ATP10D: variants seen among roughly 807,000 people sequenced by gnomAD.
The protein encoded by ATP10D is ATPase phospholipid transporting 10D (putative).
ATP10D carries 89 observed loss-of-function variants against 144.8 expected under a neutral mutation model. The ratio of observed to expected loss-of-function variants is 0.61; its 90% CI spans 0.52 to 0.73. The LOEUF (loss-of-function observed/expected upper bound fraction) is 0.73. ATP10D is among the 30% of genes least tolerant of loss of function. The pLI, the probability that ATP10D is intolerant of heterozygous loss-of-function variation, is 0.00. For synonymous variants in ATP10D, 571 were observed against 615.1 expected, an observed-to-expected ratio of 0.93 and a Z score of 1.06; for missense variants, 1,603 against 1,714.8, an observed-to-expected ratio of 0.93 and a Z score of 1.15.
At chr4:47,533,884 A>T (rs1717691979) in intron 5 of ATP10D, among the ~76,000 whole-genome samples, 1 of 152,170 alleles carries the variant, frequency 6.6e-6, no homozygotes, top group African/African-American at 2.4e-5. Flanking sequence ...ACTTTACTAT[A>T]TACTTATAGC....
chr4:47,576,230 C>A (rs945058115), intron 18 of ATP10D, among the ~76,000 whole-genome samples: 8 of 152,110 alleles, frequency 5.3e-5, no homozygotes, highest in African/African-American at 1.9e-4. Context: ...TGATTCCATT[C>A]ATGAGGTCTC....
chr4:47,571,310 TATA>T (rs1049417596), intron 16 of ATP10D, among the ~76,000 whole-genome samples: 30 of 148,454 alleles, frequency 2.0e-4, no homozygotes, highest in African/African-American at 6.9e-4. Context: ...ATACATTATA[TATA>T]ATACTTATAA....
At chr4:47,569,719 C>T (rs1192650110) in intron 16 of ATP10D, among the ~76,000 whole-genome samples, 1 of 152,084 alleles carries the variant, frequency 6.6e-6, no homozygotes, top group East Asian at 1.9e-4. Context: ...AATGAGGACA[C>T]GTAGAGCACT....
chr4:47,536,768 T>G lies in ATP10D; in HGVS notation c.1226T>G (p.Phe409Cys). 6.2e-7 allele frequency: 1 copy of G among 1,613,418 alleles called. No individual in the cohort carries two copies. The highest frequency in any genetic ancestry group is 8.5e-7 in the Non-Finnish European group (1 of 1,179,664). Residue 409 changes from phenylalanine (F) to cysteine (C), a missense_variant, in exon 9 of 23, where the codon TTC (phenylalanine) becomes TGC (cysteine). By Grantham distance (205) the Phe-to-Cys change is radical. Coordinates refer to ENST00000273859, the MANE Select transcript of ATP10D (RefSeq NM_020453.4). ...TATTTCATTCAAAGTGATGTGGATT[T>G]CTACAATGAAAAAATGGATTCTATT... is the stretch of plus-strand genomic sequence containing the variant. Reference protein sequence around the residue: ...QIYFIQSDVDFYNEKMDSIVQ... With the variant: ...QIYFIQSDVDCYNEKMDSIVQ...
intron 1 of ATP10D, among the ~76,000 whole-genome samples, chr4:47,489,265 A>T (rs1055118971): frequency 6.6e-6 from 1 of 152,210 alleles, no homozygotes. Context: ...GTGGACAACA[A>T]ATCAAAATGT....
intron 3 of ATP10D, among the ~76,000 whole-genome samples, chr4:47,520,400 C>G (rs1716882350): frequency 6.6e-6 from 1 of 152,074 alleles, no homozygotes; most frequent in Non-Finnish European, 1.5e-5. Context: ...CCTTTTTCTT[C>G]CACCTTGCCT....
chr4:47,556,051 A>G (rs4694856), intron 11 of ATP10D, among the ~76,000 whole-genome samples: 129,892 of 152,242 alleles, frequency 0.85, 55,802 homozygotes, highest in East Asian at 0.99. Context: ...ACCACACCTG[A>G]CCAAAAAAAG....
chr4:47,501,802 G>T (rs150711948), intron 1 of ATP10D, among the ~76,000 whole-genome samples: 2 of 152,090 alleles, frequency 1.3e-5, no homozygotes, highest in African/African-American at 4.8e-5. Context: ...CCTGTTATAT[G>T]TCTATAAATG....
chr4:47,569,045 C>G lies in ATP10D; in HGVS notation c.3062C>G (p.Ser1021Cys). 1 of 1,614,226 alleles carries G rather than the reference C, an allele frequency of 6.2e-7. No homozygotes were observed. The highest frequency in any genetic ancestry group is 8.5e-7 in the Non-Finnish European group (1 of 1,180,044). The change falls in exon 16 of 23, where the codon TCT (serine) becomes TGT (cysteine). Residue 1021 changes from serine to cysteine, a missense_variant. Ser to Cys is a moderately radical substitution (Grantham distance 112, BLOSUM62 -1). Transcript: ENST00000273859. ...SLQKQFLELT[S>C]WCQAVVCCRA... ...CAAAAGCAGTTCCTGGAACTGACAT[C>G]TTGGTGTCAAGCTGTGGTCTGCTGC...
In ATP10D at chr4:47,550,095, C is replaced by T. The variant is rs138422506; in HGVS notation, c.1635+3233C>T. On this transcript the variant is annotated intron_variant, in intron 10 of 22. Transcript: ENST00000273859. ...TTAAAATGAGTAGAGTGGCATCCAGCAATGAAATGAAAAACCTTGGGTAGA... is the reference window on the plus strand; with the variant it reads ...TTAAAATGAGTAGAGTGGCATCCAGTAATGAAATGAAAAACCTTGGGTAGA... Among the ~76,000 whole-genome samples the T allele has an allele frequency of 2.2e-4, 33 of 151,714 alleles. No individual in the cohort carries two copies. The East Asian group carries it at 6.4e-3, about 30-fold the overall frequency.
chr4:47,504,446 A>G (rs1416529856), intron 1 of ATP10D, among the ~76,000 whole-genome samples: 2 of 152,194 alleles, frequency 1.3e-5, no homozygotes, highest in African/African-American at 2.4e-5. Context: ...ATAAGCTTCT[A>G]TAGAGAGTGT....
At chr4:47,543,439 G>A (rs928327776) in intron 9 of ATP10D, among the ~76,000 whole-genome samples, 9 of 152,108 alleles carry the variant, frequency 5.9e-5, no homozygotes, top group Non-Finnish European at 1.0e-4. Context: ...GTTGTTGGGG[G>A]CTGTCCTGAG....
At chr4:47,540,686 G>T (rs1440261272) in intron 9 of ATP10D, among the ~76,000 whole-genome samples, 2 of 152,196 alleles carry the variant, frequency 1.3e-5, no homozygotes, top group African/African-American at 2.4e-5. Flanking sequence ...GATAAGTAAT[G>T]AACAAATGCT....
At chr4:47,503,497 C>T (rs1044426693) in intron 1 of ATP10D, among the ~76,000 whole-genome samples, 3 of 152,176 alleles carry the variant, frequency 2.0e-5, no homozygotes, top group Non-Finnish European at 4.4e-5. Context: ...AAAACTATTA[C>T]AAATATTTCT....
chr4:47,555,723 G>A (rs1394088021), intron 11 of ATP10D, among the ~76,000 whole-genome samples: 1 of 151,894 alleles, frequency 6.6e-6, no homozygotes, highest in African/African-American at 2.4e-5. Context: ...TACCGTATTG[G>A]ATTCAATATC....
Position 47,523,087 on chromosome 4 carries a change from G to C in ATP10D, c.561G>C (p.Glu187Asp), listed in dbSNP as rs376532237. 3 of 1,613,678 alleles carry C rather than the reference G, an allele frequency of 1.9e-6. No homozygotes were observed. Among genetic ancestry groups the C allele is most frequent in the Non-Finnish European group, 2.5e-6 (3 of 1,179,896 alleles). Residue 187 changes from glutamate (E) to aspartate (D), a missense_variant, in exon 4 of 23, where the codon GAG (glutamate) becomes GAC (aspartate). By Grantham distance (45) the Glu-to-Asp change is conservative. Coordinates refer to ENST00000273859, the MANE Select transcript of ATP10D (RefSeq NM_020453.4). Reference sequence around the variant, plus strand: ...ACTTTATTCGCCTCTCCTGCAACGAGGTCATCCCTGCAGACATGGTACTAC... The same window carrying C: ...ACTTTATTCGCCTCTCCTGCAACGACGTCATCCCTGCAGACATGGTACTAC... ...VGDFIRLSCN[E>D]VIPADMVLLF...
chr4:47,500,434 T>A (rs184641372), intron 1 of ATP10D, among the ~76,000 whole-genome samples: 1 of 152,328 alleles, frequency 6.6e-6, no homozygotes, highest in Admixed American at 6.5e-5. Flanking sequence ...AGGACTAGAC[T>A]GATAATGGTG....
Position 47,548,805 on chromosome 4 carries a change from A to C in ATP10D, c.1635+1943A>C, listed in dbSNP as rs112498457. Among the ~76,000 whole-genome samples the C allele has an allele frequency of 1.1e-3, 165 of 152,342 alleles. 3 individuals are homozygous for C. The highest frequency in any genetic ancestry group is 3.9e-3 in the African/African-American group (162 of 41,572). ...ATTATTTCTCAATCTTGGTCTAAACAAGTTGATTTTATCTTTTTGAAGACT... is the reference window on the plus strand; with the variant it reads ...ATTATTTCTCAATCTTGGTCTAAACCAGTTGATTTTATCTTTTTGAAGACT... On this transcript the variant is annotated intron_variant, in intron 10 of 22. Coordinates refer to ENST00000273859, the MANE Select transcript of ATP10D (RefSeq NM_020453.4).
At chr4:47,575,737 G>A (rs964424351) in intron 18 of ATP10D, among the ~76,000 whole-genome samples, 1 of 152,084 alleles carries the variant, frequency 6.6e-6, no homozygotes, top group Non-Finnish European at 1.5e-5. Context: ...TGTTCAGGCT[G>A]CTGTAACAAA....
Sources: gnomAD v4.1 joint callset for allele counts (sites outside exome capture counted in the v4.1 genomes callset) on GRCh38, gnomAD v4.1.1 for gene constraint, MANE v1.5 for transcripts, NCBI Gene and HGNC (gene_info 2026-07-23, HGNC 2026-07-21) for gene names.